Variants in EVI2B observed in about 807,000 individuals in gnomAD.
EVI2B encodes protein EVI2B.
EVI2B carries 4 observed loss-of-function variants against 6.6 expected under a neutral mutation model. The ratio of observed to expected loss-of-function variants is 0.61; its 90% CI spans 0.30 to 1.39. The LOEUF is 1.39. EVI2B is among the 40% of genes most tolerant of loss of function. The pLI, the probability that EVI2B is intolerant of heterozygous loss-of-function variation, is 0.08. For missense variants in EVI2B, 484 were observed against 516.6 expected (o/e 0.94, Z 0.61); for synonymous variants, 181 against 186.8 (o/e 0.97, Z 0.25).
chr17:31,304,367 C>G lies in EVI2B; in HGVS notation c.1243G>C (p.Glu415Gln). 6.2e-7 allele frequency: 1 copy of G among 1,614,078 alleles called. No individual in the cohort carries two copies. Among genetic ancestry groups the G allele is most frequent in the African/African-American group, 1.3e-5 (1 of 75,018 alleles). The change falls in exon 2 of 2, where the codon GAA (glutamate) becomes CAA (glutamine). Residue 415 changes from glutamate to glutamine, a missense_variant. Coordinates refer to ENST00000330927, the MANE Select transcript of EVI2B (RefSeq NM_006495.4). ...LPPVDFMKNQ[E>Q]DSNLEIQCQE... ...CACTGGATCTCAAGGTTGGAATCTT[C>G]TTGGTTTTTCATAAAATCTACTGGT...
At chr17:31,310,042 G>A (rs2068826841) in intron 1 of EVI2B, among the ~76,000 whole-genome samples, 1 of 152,122 alleles carries the variant, frequency 6.6e-6, no homozygotes, top group Non-Finnish European at 1.5e-5. Flanking sequence ...AGGGAATATG[G>A]TAGTGGAAAA....
At chr17:31,313,690 A>G (rs1336881831) in intron 1 of EVI2B, among the ~76,000 whole-genome samples, 1 of 146,826 alleles carries the variant, frequency 6.8e-6, no homozygotes, top group Non-Finnish European at 1.5e-5. Flanking sequence ...TGGGAGACAG[A>G]GCAAGACTCT....
intron 1 of EVI2B, among the ~76,000 whole-genome samples, 187 bp downstream of exon 1, chr17:31,313,792 C>G (rs996529336): frequency 4.0e-5 from 6 of 148,572 alleles, no homozygotes; most frequent in African/African-American, 1.5e-4. Context: ...TTATACAAAC[C>G]TAGGTGAAAA....
At chr17:31,307,249 C>G (rs2068749028) in intron 1 of EVI2B, among the ~76,000 whole-genome samples, 1 of 151,870 alleles carries the variant, frequency 6.6e-6, no homozygotes. Flanking sequence ...CGAGAACTGA[C>G]CTCAGGTGAT....
chr17:31,307,473 A>G (rs572326070), intron 1 of EVI2B, among the ~76,000 whole-genome samples: 1 of 152,350 alleles, frequency 6.6e-6, no homozygotes, highest in Admixed American at 6.5e-5. Context: ...GAGAGCAACA[A>G]TGTGGGCACA....
At chr17:31,310,934 CAT>C (rs2068856346) in intron 1 of EVI2B, among the ~76,000 whole-genome samples, 1 of 149,702 alleles carries the variant, frequency 6.7e-6, no homozygotes, top group Admixed American at 6.7e-5. Context: ...GTGTATAAGA[CAT>C]GTTCTTTTTT....
At chr17:31,308,776 C>A (rs1317110440) in intron 1 of EVI2B, among the ~76,000 whole-genome samples, 1 of 151,652 alleles carries the variant, frequency 6.6e-6, no homozygotes, top group East Asian at 1.9e-4. Context: ...CCAAACAGAT[C>A]AGTCATTTAC....
chr17:31,312,934 A>G (rs1428700207), intron 1 of EVI2B, among the ~76,000 whole-genome samples: 5 of 152,238 alleles, frequency 3.3e-5, no homozygotes, highest in South Asian at 2.1e-4. Context: ...TGTTTATTCT[A>G]TAGGTTTCTT....
At chr17:31,312,655 A>G (rs2068909415) in intron 1 of EVI2B, among the ~76,000 whole-genome samples, 1 of 152,160 alleles carries the variant, frequency 6.6e-6, no homozygotes, top group Non-Finnish European at 1.5e-5. Flanking sequence ...AATGAAATAA[A>G]CTAAATATTA....
At chr17:31,313,111 G>T (rs1362128193) in intron 1 of EVI2B, among the ~76,000 whole-genome samples, 2 of 151,974 alleles carry the variant, frequency 1.3e-5, no homozygotes, top group Non-Finnish European at 2.9e-5. Context: ...AAATCTATAT[G>T]TAAAAAATAA....
At chr17:31,309,966 G>A (rs1312667913) in intron 1 of EVI2B, among the ~76,000 whole-genome samples, 1 of 152,098 alleles carries the variant, frequency 6.6e-6, no homozygotes, top group Non-Finnish European at 1.5e-5. Context: ...AACTGTATTA[G>A]AATTCTATGA....
In EVI2B at chr17:31,304,360, G is replaced by C; in HGVS notation, c.1250C>G (p.Ser417Cys). 1 of 1,614,092 alleles carries C rather than the reference G, an allele frequency of 6.2e-7. No homozygotes were observed. Among genetic ancestry groups the C allele is most frequent in the Non-Finnish European group, 8.5e-7 (1 of 1,179,986 alleles). ...CTCCTGACACTGGATCTCAAGGTTG[G>C]AATCTTCTTGGTTTTTCATAAAATC... ...PVDFMKNQED[S>C]NLEIQCQEFS... The change falls in exon 2 of 2, where the codon TCC becomes TGC. Residue 417 changes from serine to cysteine, a missense_variant. Transcript: ENST00000330927.
rs984042800 is a variant in EVI2B, at chr17:31,304,355, G to C, written c.1255C>G (p.Leu419Val). ...DFMKNQEDSN[L>V]EIQCQEFSIP... ...GAGAACTCCTGACACTGGATCTCAAGGTTGGAATCTTCTTGGTTTTTCATA... is the reference window on the plus strand; with the variant it reads ...GAGAACTCCTGACACTGGATCTCAACGTTGGAATCTTCTTGGTTTTTCATA... The change falls in exon 2 of 2, where the codon CTT (leucine) becomes GTT (valine). Residue 419 changes from leucine to valine, a missense_variant. Transcript: ENST00000330927. The C allele has an allele frequency of 2.5e-6, 4 of 1,614,012 alleles. No individual in the cohort carries two copies. Among genetic ancestry groups the C allele is most frequent in the Non-Finnish European group, 3.4e-6 (4 of 1,180,014 alleles).
rs531113500 is a variant in EVI2B, at chr17:31,303,795, C to A, written c.*468G>T. ...TCTATTCTCAAACATGCATTTTAAT[C>A]TCCCATTCCCACAAACTTGGAATAT... On this transcript the variant is annotated 3_prime_UTR_variant, in exon 2 of 2. Transcript: ENST00000330927. 1 of 152,550 alleles carries A rather than the reference C, an allele frequency of 6.6e-6. No homozygotes were observed. Among genetic ancestry groups the A allele is most frequent in the Non-Finnish European group, 1.5e-5 (1 of 68,206 alleles). The allele number at this position is 152,550 out of a possible 1,614,324, so 9.4% of individuals were successfully genotyped here. A position where few individuals can be genotyped will look rare whatever the true frequency, so the allele number is the denominator to read the frequency against.
chr17:31,305,584 A>G lies in EVI2B; in HGVS notation c.26T>C (p.Ile9Thr). The G allele has an allele frequency of 6.2e-7, 1 of 1,613,250 alleles. No homozygotes were observed. MDPKYFIL[I>T]LFCGHLNNTF... is the part of the protein sequence containing the mutation. ...ATTGTTCAGGTGTCCACAAAACAAAATTAAGATGAAATATTTGGGATCCAT... is the reference window on the plus strand; with the variant it reads ...ATTGTTCAGGTGTCCACAAAACAAAGTTAAGATGAAATATTTGGGATCCAT... Residue 9 changes from isoleucine (I) to threonine (T), a missense_variant, in exon 2 of 2, where the codon ATT becomes ACT. Physicochemically the swap from Ile to Thr is moderately conservative, Grantham distance 89. Transcript: ENST00000330927.
Position 31,304,782 on chromosome 17 carries a change from T to C in EVI2B, c.828A>G (p.Lys276=). 1.2e-6 allele frequency: 2 copies of C among 1,614,096 alleles called. No individual in the cohort carries two copies. The highest frequency in any genetic ancestry group is 1.7e-6 in the Non-Finnish European group (2 of 1,180,014). The change falls in exon 2 of 2, where the codon AAA becomes AAG. Residue 276 remains lysine, a synonymous_variant. Coordinates refer to ENST00000330927, the MANE Select transcript of EVI2B (RefSeq NM_006495.4). ...CTGCTAAAAGTGTGCTTTTGCTTGG[T>C]TTCCAGGGTGTAAGTGAAATGATTG... is the stretch of plus-strand genomic sequence containing the variant. ...RTSIISLTPW[K]PSKSTLLADD... is the part of the protein sequence containing the mutation.
intron 1 of EVI2B, among the ~76,000 whole-genome samples, chr17:31,309,714 AG>A (rs1224782593): frequency 6.6e-6 from 1 of 152,206 alleles, no homozygotes; most frequent in East Asian, 1.9e-4. Flanking sequence ...AGAGAAGGAC[AG>A]GGCCCAAACA....
At chr17:31,309,334 A>C (rs896619458) in intron 1 of EVI2B, among the ~76,000 whole-genome samples, 3 of 152,212 alleles carry the variant, frequency 2.0e-5, no homozygotes, top group Non-Finnish European at 4.4e-5. Flanking sequence ...TACTTCTACC[A>C]GAAAATAAGC....
At chr17:31,311,802 C>A (rs1047280333) in intron 1 of EVI2B, among the ~76,000 whole-genome samples, 2 of 152,186 alleles carry the variant, frequency 1.3e-5, no homozygotes, top group South Asian at 2.1e-4. Context: ...CCGTTTCTTT[C>A]TATCACATTT....
Sources: allele counts gnomAD v4.1 joint callset (sites outside exome capture counted in the v4.1 genomes callset), GRCh38; gene constraint gnomAD v4.1.1; transcripts MANE v1.5; gene names NCBI Gene and HGNC (gene_info 2026-07-23, HGNC 2026-07-21).